The following CNTNAP5 variants were observed in gnomAD, a reference collection of about 807,000 sequenced individuals.
CNTNAP5 encodes the protein contactin-associated protein-like 5.
In CNTNAP5, 72 loss-of-function variants were observed where a neutral mutation model predicts 150.2. The observed-to-expected ratio is 0.48, with a 90% CI of 0.40 to 0.58. The LOEUF (loss-of-function observed/expected upper bound fraction) is 0.58. Among genes scored for constraint, CNTNAP5 ranks in the 20% least tolerant of loss-of-function variants. The probability of loss-of-function intolerance (pLI) is 0.00; values close to 1 mark genes in which losing one functional copy is unlikely to be tolerated. For synonymous variants in CNTNAP5, 672 were observed against 619.8 expected (o/e 1.08, Z -1.25); for missense variants, 1,636 against 1,626.2 (o/e 1.01, Z -0.10).
At chr2:124,089,287 AGTAC>A (rs1458871421) in intron 1 of CNTNAP5, among the ~76,000 whole-genome samples, 1 of 150,972 alleles carries the variant, frequency 6.6e-6, no homozygotes, top group Non-Finnish European at 1.5e-5. Context: ...TTTTTTTTTA[AGTAC>A]AAAAGAAGAA....
At chr2:124,567,863 AGATAG>A (rs1441678872) in intron 11 of CNTNAP5, among the ~76,000 whole-genome samples, 1 of 83,204 alleles carries the variant, frequency 1.2e-5, no homozygotes. Context: ...ATAGATAGAT[AGATAG>A]ATAGATAGAT....
intron 12 of CNTNAP5, among the ~76,000 whole-genome samples, chr2:124,643,606 A>T (rs918701037): frequency 2.6e-5 from 4 of 152,212 alleles, no homozygotes; most frequent in African/African-American, 9.6e-5. Flanking sequence ...TCCCCATCGC[A>T]GTCCTCTAAG....
chr2:124,839,754 C>T (rs187942206), intron 19 of CNTNAP5, among the ~76,000 whole-genome samples: 16 of 152,236 alleles, frequency 1.1e-4, no homozygotes, highest in Admixed American at 8.5e-4. Context: ...CCCGGCTGTA[C>T]GTGGTGCACT....
rs1299360892 is a variant in CNTNAP5 at position 124,539,751 on chromosome 2, G to A, written c.1649+12295G>A. Reference sequence around the variant, plus strand: ...GGGTTCTGTGTATATCAGCAGGCCAGGTTTTAGAAAACCCATACATAGGCA... The same window carrying A: ...GGGTTCTGTGTATATCAGCAGGCCAAGTTTTAGAAAACCCATACATAGGCA... On this transcript the variant is annotated intron_variant, in intron 10 of 23. Transcript: ENST00000682447. Among the ~76,000 whole-genome samples the A allele has an allele frequency of 4.6e-5, 7 of 152,116 alleles. No individual in the cohort carries two copies. In the East Asian group the frequency reaches 1.3e-3, roughly 29 times the overall value.
At chr2:124,589,134 TG>T in intron 11 of CNTNAP5, among the ~76,000 whole-genome samples, 1 of 152,282 alleles carries the variant, frequency 6.6e-6, no homozygotes, top group Middle Eastern at 3.4e-3. Context: ...CTATCTTAAT[TG>T]TAGAACATTT....
chr2:124,265,760 T>A (rs1438306039), intron 3 of CNTNAP5, among the ~76,000 whole-genome samples: 3 of 152,070 alleles, frequency 2.0e-5, no homozygotes, highest in African/African-American at 7.2e-5. Flanking sequence ...TAGGGACCTG[T>A]CTTCTGCTCC....
intron 3 of CNTNAP5, among the ~76,000 whole-genome samples, chr2:124,414,744 A>G (rs1691874186): frequency 6.7e-6 from 1 of 148,934 alleles, no homozygotes; most frequent in Non-Finnish European, 1.5e-5. Context: ...TGTGTGTGAT[A>G]TTCAATCTAC....
intron 8 of CNTNAP5, among the ~76,000 whole-genome samples, chr2:124,510,321 C>CTATATATCTATATATATATATCTATA (rs1403460082): frequency 9.0e-4 from 36 of 40,048 alleles, no homozygotes; most frequent in Middle Eastern, 0.014. Context: ...ATCTATATAT[C>CTATATATCTATATATATATATCTATA]TATCTATATA....
intron 1 of CNTNAP5, among the ~76,000 whole-genome samples, chr2:124,104,051 A>T (rs1049859870): frequency 1.3e-5 from 2 of 148,520 alleles, no homozygotes; most frequent in Non-Finnish European, 3.0e-5. Context: ...ATAAATCTAT[A>T]TTATATATAG....
chr2:124,895,382 T>G (rs2104752336), intron 21 of CNTNAP5, among the ~76,000 whole-genome samples: 1 of 151,668 alleles, frequency 6.6e-6, no homozygotes, highest in Admixed American at 6.6e-5. Flanking sequence ...TCCCAGCACT[T>G]TAGAATTCTA....
At chr2:124,373,944 T>A (rs1366823725) in intron 3 of CNTNAP5, among the ~76,000 whole-genome samples, 1 of 152,082 alleles carries the variant, frequency 6.6e-6, no homozygotes, top group Admixed American at 6.6e-5. Context: ...ATATGTTAAG[T>A]GAAGATCACA....
At chr2:124,383,809 A>G (rs1690863584) in intron 3 of CNTNAP5, among the ~76,000 whole-genome samples, 1 of 152,204 alleles carries the variant, frequency 6.6e-6, no homozygotes, top group Admixed American at 6.5e-5. Context: ...TCACATGAAT[A>G]TACTTTTTAC....
rs554950579 is a variant in CNTNAP5 at position 124,263,363 on chromosome 2, T to C, written c.381+20970T>C. On this transcript the variant is annotated intron_variant, in intron 3 of 23. Transcript: ENST00000682447. ...ATTCTAACTGGTGTGAGATGGTAGC[T>C]CATTGTGGTTTTGATTTGCATTTCT... Among the ~76,000 whole-genome samples the C allele has an allele frequency of 2.4e-3, 360 of 152,312 alleles. 4 individuals carry two copies. The highest frequency in any genetic ancestry group is 8.3e-3 in the African/African-American group (344 of 41,564).
intron 18 of CNTNAP5, 53 bp downstream of exon 18, chr2:124,790,194 C>A: frequency 6.6e-7 from 1 of 1,522,400 alleles, no homozygotes; most frequent in South Asian, 1.3e-5. Context: ...CACCTATACG[C>A]TATGGTCAGG....
At chr2:124,786,386 AGAAAGAAAGAAAGAAGGAAGGAAG>A (rs1446538019) in intron 17 of CNTNAP5, among the ~76,000 whole-genome samples, 61 of 85,808 alleles carry the variant, frequency 7.1e-4, no homozygotes, top group Non-Finnish European at 7.9e-4. Context: ...AAAGAAAGAA[AGAAAGAAAGAAAGAAGGAAGGAAG>A]GAAGGAAGGA....
At chr2:124,276,671 G>A (rs1019982474) in intron 3 of CNTNAP5, among the ~76,000 whole-genome samples, 7 of 152,044 alleles carry the variant, frequency 4.6e-5, no homozygotes, top group Non-Finnish European at 7.4e-5. Context: ...TTTCCCCCAC[G>A]ATTCATCTAT....
At chr2:124,439,076 T>C (rs916234733) in intron 5 of CNTNAP5, among the ~76,000 whole-genome samples, 1 of 152,108 alleles carries the variant, frequency 6.6e-6, no homozygotes, top group African/African-American at 2.4e-5. Flanking sequence ...TTCATAAAAA[T>C]GTTAAATATC....
chr2:124,352,985 T>C (rs1356559052), intron 3 of CNTNAP5, among the ~76,000 whole-genome samples: 1 of 152,134 alleles, frequency 6.6e-6, no homozygotes, highest in Non-Finnish European at 1.5e-5. Context: ...TAGAGAAAGA[T>C]GCACAGGCTC....
chr2:124,213,763 A>C (rs1686081596), intron 1 of CNTNAP5, among the ~76,000 whole-genome samples: 1 of 149,856 alleles, frequency 6.7e-6, no homozygotes, highest in South Asian at 2.1e-4. Flanking sequence ...AAAACATAAC[A>C]AAAAAAAATC....
Sources: allele counts gnomAD v4.1 joint callset (sites outside exome capture counted in the v4.1 genomes callset), GRCh38; gene constraint gnomAD v4.1.1; transcripts MANE v1.5; gene names NCBI Gene and HGNC (gene_info 2026-07-23, HGNC 2026-07-21).